The following NLK variants were observed in gnomAD, a reference collection of about 807,000 sequenced individuals.
The protein encoded by NLK is nemo like kinase, also known as serine/threonine-protein kinase NLK.
Under a neutral mutation model 59.0 loss-of-function variants are expected in NLK, and 11 were observed. That is an observed-to-expected ratio of 0.19 (90% confidence interval 0.12 to 0.31). The LOEUF is 0.31. Among genes scored for constraint, NLK ranks in the 10% least tolerant of loss-of-function variants. The pLI is 1.00. For synonymous variants in NLK, 235 were observed against 235.9 expected (o/e 1.00, Z 0.03); for missense variants, 410 against 661.1 (o/e 0.62, Z 4.16).
intron 1 of NLK, among the ~76,000 whole-genome samples, chr17:28,111,888 GTGTGTGTGGTGTGTGTGTGTGTGTGT>G (rs1905507135): frequency 2.5e-5 from 3 of 121,144 alleles, no homozygotes; most frequent in African/African-American, 6.5e-5. Flanking sequence ...GTGTGTGTGT[GTGTGTGTGGTGTGTGTGTGTGTGTGT>G]GTGTGTGTGT....
intron 3 of NLK, among the ~76,000 whole-genome samples, chr17:28,135,257 A>C (rs1344992947): frequency 6.6e-6 from 1 of 152,210 alleles, no homozygotes; most frequent in Non-Finnish European, 1.5e-5. Flanking sequence ...CCTCAGGCTC[A>C]GTGATTCGCT....
chr17:28,199,328 TG>T (rs1369083234), downstream of NLK, among the ~76,000 whole-genome samples: 1 of 151,814 alleles, frequency 6.6e-6, no homozygotes, highest in Non-Finnish European at 1.5e-5. Flanking sequence ...CCAGGCACAG[TG>T]GTGTGTGCCT....
At chr17:28,080,976 A>G (rs1164095724) in intron 1 of NLK, among the ~76,000 whole-genome samples, 1 of 150,872 alleles carries the variant, frequency 6.6e-6, no homozygotes, top group Non-Finnish European at 1.5e-5. Context: ...TGCAGCATCA[A>G]CCTCCTGGGC....
intron 3 of NLK, among the ~76,000 whole-genome samples, chr17:28,148,996 G>GT (rs1382042345): frequency 6.6e-6 from 1 of 152,188 alleles, no homozygotes; most frequent in Non-Finnish European, 1.5e-5. Context: ...AGTACTTAAA[G>GT]AAGTGTCTGG....
At chr17:28,151,918 G>A (rs969305285) in intron 3 of NLK, among the ~76,000 whole-genome samples, 3 of 152,182 alleles carry the variant, frequency 2.0e-5, no homozygotes, top group South Asian at 4.1e-4. Flanking sequence ...AATTATGTAC[G>A]TGTGTATGTG....
At chr17:28,064,174 CTTTTTTTTTT>C (rs66949112) in intron 1 of NLK, among the ~76,000 whole-genome samples, 1 of 99,608 alleles carries the variant, frequency 1.0e-5, no homozygotes, top group African/African-American at 3.9e-5. Context: ...AGTTAGCAAA[CTTTTTTTTTT>C]TTTTTTTTTT....
In NLK at chr17:28,049,749, G is replaced by A. The variant is rs532644630; in HGVS notation, c.458+6418G>A. ...TGTAATCCCAGCACTTTGGGAGGCC[G>A]AGGAGCGGTTCACCTGAGGTCAGGA... On this transcript the variant is annotated intron_variant, in intron 1 of 10. Coordinates refer to ENST00000407008, the MANE Select transcript of NLK (RefSeq NM_016231.5). 3.2e-3 allele frequency among the ~76,000 whole-genome samples: 488 copies of A among 152,258 alleles called. 1 individual carries two copies. The highest frequency in any genetic ancestry group is 5.8e-3 in the Non-Finnish European group (392 of 68,010).
At position 28,043,189 on chromosome 17, in the gene NLK, G is replaced by C. The variant is rs1240015996; in HGVS notation, c.316G>C (p.Ala106Pro). ...GGCACCGGGGCAGGCTCCTGGACCA[G>C]CTGCAGCAGCCCCAGCTCAGGTACA... ...SPAPGQAPGP[A>P]AAAPAQVQAA... is the part of the protein sequence containing the mutation. Residue 106 changes from alanine (A) to proline (P), a missense_variant, in exon 1 of 11, where the codon GCT becomes CCT. Ala to Pro is a conservative substitution (Grantham distance 27). Coordinates refer to ENST00000407008, the MANE Select transcript of NLK (RefSeq NM_016231.5). 1 of 1,613,860 alleles carries C rather than the reference G, an allele frequency of 6.2e-7. No individual in the cohort carries two copies. Among genetic ancestry groups the C allele is most frequent in the Non-Finnish European group, 8.5e-7 (1 of 1,179,892 alleles).
chr17:28,203,156 T>TACACACACAC, the NLK span, among the ~76,000 whole-genome samples: 1 of 129,352 alleles, frequency 7.7e-6, no homozygotes, highest in African/African-American at 3.6e-5. Flanking sequence ...TGAATGTATA[T>TACACACACAC]ACATACATAC....
intron 8 of NLK, among the ~76,000 whole-genome samples, chr17:28,190,647 A>G (rs1178604007): frequency 6.6e-6 from 1 of 152,136 alleles, no homozygotes; most frequent in Admixed American, 6.6e-5. Flanking sequence ...ATGCTGACAC[A>G]TATTTAGAAA....
At chr17:28,141,265 C>T (rs1318148519) in intron 3 of NLK, among the ~76,000 whole-genome samples, 1 of 152,150 alleles carries the variant, frequency 6.6e-6, no homozygotes, top group East Asian at 1.9e-4. Flanking sequence ...TTCCTAAATT[C>T]TTCTTGTAGA....
intron 6 of NLK, among the ~76,000 whole-genome samples, chr17:28,170,715 T>C (rs947092692): frequency 1.3e-5 from 2 of 152,260 alleles, no homozygotes; most frequent in African/African-American, 4.8e-5. Context: ...AAGTAAAAAA[T>C]AATAAGGAAG....
intron 4 of NLK, among the ~76,000 whole-genome samples, chr17:28,163,226 G>C (rs948661672): frequency 1.3e-5 from 2 of 152,326 alleles, no homozygotes; most frequent in Non-Finnish European, 1.5e-5. Context: ...CAGTCCAATA[G>C]CCACACTGAC....
intron 7 of NLK, among the ~76,000 whole-genome samples, chr17:28,172,984 C>A: frequency 6.6e-6 from 1 of 152,084 alleles, no homozygotes; most frequent in East Asian, 1.9e-4. Flanking sequence ...CAAAATACCT[C>A]GTATTTCTTA....
rs143506628 is a variant in NLK, at chr17:28,139,698, G to A, written c.644+7023G>A. On this transcript the variant is annotated intron_variant, in intron 3 of 10. Transcript: ENST00000407008. The stretch of plus-strand genomic sequence containing the variant: ...ACTTTATTCATATCTCCAATTTATA[G>A]ATGAAGAAACTATAGCTCAGAGAGG... Among the ~76,000 whole-genome samples, 350 of 152,270 alleles carry A rather than the reference G, an allele frequency of 2.3e-3. 3 individuals are homozygous for A. Among genetic ancestry groups the A allele is most frequent in the African/African-American group, 7.9e-3 (329 of 41,550 alleles).
chr17:28,167,729 C>T (rs1361672109), intron 5 of NLK, among the ~76,000 whole-genome samples: 1 of 150,326 alleles, frequency 6.7e-6, no homozygotes, highest in African/African-American at 2.4e-5. Flanking sequence ...GGTGTGGTAG[C>T]ACATGCCTGT....
chr17:28,081,769 G>C (rs1910354560), intron 1 of NLK, among the ~76,000 whole-genome samples: 1 of 152,140 alleles, frequency 6.6e-6, no homozygotes, highest in Admixed American at 6.5e-5. Flanking sequence ...CAAATTCCCT[G>C]TCCCTAAGAA....
intron 1 of NLK, among the ~76,000 whole-genome samples, chr17:28,121,309 T>C (rs1906038554): frequency 6.6e-6 from 1 of 151,780 alleles, no homozygotes; most frequent in Non-Finnish European, 1.5e-5. Context: ...CTGAGAATGT[T>C]AGGCAGGAAT....
chr17:28,083,868 T>C (rs1490288889), intron 1 of NLK, among the ~76,000 whole-genome samples: 1 of 152,164 alleles, frequency 6.6e-6, no homozygotes, highest in South Asian at 2.1e-4. Context: ...GAAGACACTA[T>C]ACAGAAGTAG....
Sources: allele counts gnomAD v4.1 joint callset (sites outside exome capture counted in the v4.1 genomes callset), GRCh38; gene constraint gnomAD v4.1.1; transcripts MANE v1.5; gene names NCBI Gene and HGNC (gene_info 2026-07-23, HGNC 2026-07-21).